MCTP2: variants seen among roughly 807,000 people sequenced by gnomAD.
The protein encoded by MCTP2 is multiple C2 and transmembrane domain containing 2, also known as multiple C2 and transmembrane domain-containing protein 2.
A neutral mutation model predicts 111.6 loss-of-function variants in MCTP2; 132 were observed. The ratio of observed to expected loss-of-function variants is 1.18; its 90% CI spans 1.03 to 1.37. The LOEUF is 1.37. Among genes scored for constraint, MCTP2 ranks in the 40% most tolerant of loss-of-function variants. MCTP2 has a pLI of 0.00. For missense variants in MCTP2, 1,183 were observed against 1,067.9 expected, an observed-to-expected ratio of 1.11 and a Z score of -1.50; for synonymous variants, 395 against 387.7, an observed-to-expected ratio of 1.02 and a Z score of -0.22.
intron 1 of MCTP2, among the ~76,000 whole-genome samples, chr15:94,252,427 A>G (rs947933571): frequency 9.2e-5 from 14 of 152,160 alleles, no homozygotes; most frequent in Admixed American, 2.0e-4. Flanking sequence ...TGACCTTTTG[A>G]ATTGTCATTG....
At chr15:94,411,509 T>C (rs1265104689) in intron 17 of MCTP2, among the ~76,000 whole-genome samples, 1 of 152,202 alleles carries the variant, frequency 6.6e-6, no homozygotes, top group Non-Finnish European at 1.5e-5. Context: ...TGACAGTTAC[T>C]AGAGAGCCCA....
intron 21 of MCTP2, 48 bp downstream of exon 21, chr15:94,470,490 C>A: frequency 8.2e-7 from 1 of 1,213,022 alleles, no homozygotes; most frequent in Non-Finnish European, 1.2e-6. Context: ...CAGGTAAGAA[C>A]CAATTACTCA....
chr15:94,471,907 GTC>G (rs922229775), intron 21 of MCTP2, among the ~76,000 whole-genome samples: 15 of 152,168 alleles, frequency 9.9e-5, no homozygotes, highest in African/African-American at 3.6e-4. Flanking sequence ...TGAGATTGTT[GTC>G]TGACTCTAAC....
chr15:94,390,574 C>G (rs1004327269), intron 14 of MCTP2, among the ~76,000 whole-genome samples: 5 of 152,090 alleles, frequency 3.3e-5, no homozygotes, highest in African/African-American at 1.2e-4. Context: ...TTTACCCTTT[C>G]AAAATTACCC....
intron 19 of MCTP2, among the ~76,000 whole-genome samples, chr15:94,452,896 C>G (rs2152521801): frequency 6.6e-6 from 1 of 152,294 alleles, no homozygotes; most frequent in South Asian, 2.1e-4. Flanking sequence ...TTTTCCCTGT[C>G]TCACATGAGT....
chr15:94,417,547 G>A (rs1211697684), intron 17 of MCTP2, among the ~76,000 whole-genome samples: 2 of 152,006 alleles, frequency 1.3e-5, no homozygotes, highest in Admixed American at 6.6e-5. Context: ...ACCATATTTT[G>A]GATTTATTCC....
intron 14 of MCTP2, 108 bp from the exon 15 acceptor site, chr15:94,398,853 C>T: frequency 1.6e-6 from 1 of 638,904 alleles, no homozygotes; most frequent in Non-Finnish European, 2.9e-6. Flanking sequence ...TTTGCTTCAC[C>T]TGTGATCATT....
At chr15:94,273,316 A>AGAGGACTGAAAACATACTGATTTGCTT in intron 1 of MCTP2, among the ~76,000 whole-genome samples, 1 of 152,252 alleles carries the variant, frequency 6.6e-6, no homozygotes, top group African/African-American at 2.4e-5. Flanking sequence ...CTCTAATTTC[A>AGAGGACTGAAAACATACTGATTTGCTT]GAGGACTGAA....
intron 1 of MCTP2, among the ~76,000 whole-genome samples, chr15:94,276,734 T>A (rs1188290496): frequency 1.4e-5 from 2 of 139,240 alleles, no homozygotes; most frequent in East Asian, 4.1e-4. Flanking sequence ...TTTACTACAT[T>A]AACAGATAAA....
Position 94,400,006 on chromosome 15 carries a change from A to G in MCTP2, c.1965+11A>G, listed in dbSNP as rs745502370. On this transcript the variant is annotated intron_variant, in intron 16 of 22. Transcript: ENST00000357742. Reference sequence around the variant, plus strand: ...AAGCTGTCCAAAAAGGTGGGTCGCTACAGTAGGTGGCTTGTTGATTGGTAC... The same window carrying G: ...AAGCTGTCCAAAAAGGTGGGTCGCTGCAGTAGGTGGCTTGTTGATTGGTAC... 8.1e-6 allele frequency: 13 copies of G among 1,613,448 alleles called. No individual in the cohort carries two copies. The highest frequency in any genetic ancestry group is 4.0e-5 in the African/African-American group (3 of 75,010).
intron 1 of MCTP2, among the ~76,000 whole-genome samples, chr15:94,248,522 A>C (rs774101961): frequency 3.9e-5 from 6 of 152,200 alleles, no homozygotes; most frequent in African/African-American, 7.2e-5. Flanking sequence ...AGCTTTGGCC[A>C]GGCTTGCTTT....
chr15:94,430,504 G>A (rs569946746), intron 17 of MCTP2, among the ~76,000 whole-genome samples: 22 of 149,852 alleles, frequency 1.5e-4, no homozygotes, highest in Non-Finnish European at 3.0e-4. Context: ...GGGTGAGGTG[G>A]GAGGATAACT....
chr15:94,437,068 G>A (rs1478391823), intron 17 of MCTP2, among the ~76,000 whole-genome samples: 2 of 150,176 alleles, frequency 1.3e-5, no homozygotes, highest in Non-Finnish European at 3.0e-5. Context: ...GAAAGTTGAT[G>A]GAGCAAGCCA....
chr15:94,342,786 A>G (rs2077727476), intron 7 of MCTP2: 1 of 150,900 alleles, frequency 6.6e-6, no homozygotes, highest in East Asian at 1.9e-4. Context: ...ACACACATAC[A>G]TATATATTTA....
chr15:94,323,648 T>G (rs1307772672), intron 4 of MCTP2, among the ~76,000 whole-genome samples: 1 of 152,224 alleles, frequency 6.6e-6, no homozygotes, highest in African/African-American at 2.4e-5. Flanking sequence ...TATTTATTGT[T>G]GGATGACTTT....
intron 17 of MCTP2, among the ~76,000 whole-genome samples, chr15:94,422,926 G>A (rs1269698491): frequency 6.6e-6 from 1 of 152,028 alleles, no homozygotes; most frequent in Admixed American, 6.5e-5. Context: ...TAACTCCAGG[G>A]CTCAAGGGAT....
At chr15:94,341,200 C>A in intron 7 of MCTP2, 1 of 356,328 alleles carries the variant, frequency 2.8e-6, no homozygotes. Flanking sequence ...TCTTCTTTTA[C>A]TTTTAGCTAC....
At chr15:94,234,833 T>C (rs1373396016) in intron 1 of MCTP2, among the ~76,000 whole-genome samples, 1 of 152,188 alleles carries the variant, frequency 6.6e-6, no homozygotes, top group Non-Finnish European at 1.5e-5. Context: ...ATCACAGTGC[T>C]TTGTTATAGG....
At chr15:94,308,065 G>C (rs1384269316) in intron 2 of MCTP2, among the ~76,000 whole-genome samples, 1 of 152,142 alleles carries the variant, frequency 6.6e-6, no homozygotes, top group Admixed American at 6.5e-5. Context: ...AATATTATCA[G>C]ACCACATCTA....
Sources: allele counts gnomAD v4.1 joint callset (sites outside exome capture counted in the v4.1 genomes callset), GRCh38; gene constraint gnomAD v4.1.1; transcripts MANE v1.5; gene names NCBI Gene and HGNC (gene_info 2026-07-23, HGNC 2026-07-21).